The following PTPRD variants were observed in gnomAD, a reference collection of about 807,000 sequenced individuals.
The protein encoded by PTPRD is protein tyrosine phosphatase receptor type D.
In PTPRD, 34 loss-of-function variants were observed where a neutral mutation model predicts 214.5. The observed-to-expected ratio is 0.16, with a 90% CI of 0.12 to 0.21. The LOEUF (loss-of-function observed/expected upper bound fraction) is 0.21, where lower values mean the gene tolerates loss of function less well. Among genes scored for constraint, PTPRD ranks in the 10% least tolerant of loss-of-function variants. The probability of loss-of-function intolerance (pLI) is 1.00; values close to 1 mark genes in which losing one functional copy is unlikely to be tolerated. For missense variants in PTPRD, 2,545 were observed against 2,398.7 expected (o/e 1.06, Z -1.27); for synonymous variants, 1,128 against 845.7 (o/e 1.33, Z -5.79).
chr9:10,361,982 T>C (rs1202569647), intron 2 of PTPRD, among the ~76,000 whole-genome samples: 2 of 152,308 alleles, frequency 1.3e-5, no homozygotes, highest in South Asian at 2.1e-4. Flanking sequence ...AAATGTATCA[T>C]GGTTAAGATG....
chr9:9,230,301 A>T (rs1309082926), intron 9 of PTPRD, among the ~76,000 whole-genome samples: 1 of 152,138 alleles, frequency 6.6e-6, no homozygotes, highest in East Asian at 1.9e-4. Context: ...AAATCTCTTC[A>T]ACAAAATTTG....
intron 4 of PTPRD, among the ~76,000 whole-genome samples, chr9:9,955,679 A>T (rs552381215): frequency 2.0e-5 from 3 of 152,000 alleles, no homozygotes; most frequent in East Asian, 1.9e-4. Context: ...GCCCGCCACC[A>T]TGCCCGACTA....
intron 10 of PTPRD, among the ~76,000 whole-genome samples, chr9:9,145,139 AATC>A (rs1263040344): frequency 1.3e-5 from 2 of 152,206 alleles, no homozygotes; most frequent in Admixed American, 1.3e-4. Flanking sequence ...TTTCCTTAAG[AATC>A]TAAGTATGTG....
intron 2 of PTPRD, among the ~76,000 whole-genome samples, chr9:10,512,533 A>G (rs2048654674): frequency 6.6e-6 from 1 of 152,114 alleles, no homozygotes; most frequent in Non-Finnish European, 1.5e-5. Context: ...GCTTAGACAA[A>G]TGATTTTTAT....
chr9:8,849,536 T>C (rs1029023765), intron 11 of PTPRD, among the ~76,000 whole-genome samples: 6 of 152,188 alleles, frequency 3.9e-5, no homozygotes, highest in African/African-American at 9.7e-5. Context: ...CATAATTCTT[T>C]AGTTCAACTC....
At chr9:10,316,756 C>T (rs1165055412) in intron 3 of PTPRD, among the ~76,000 whole-genome samples, 3 of 151,852 alleles carry the variant, frequency 2.0e-5, no homozygotes, top group African/African-American at 7.2e-5. Flanking sequence ...TTATTCTAAT[C>T]TAAAAAAGAT....
chr9:8,691,880 T>A (rs1009250455), intron 12 of PTPRD, among the ~76,000 whole-genome samples: 1 of 152,200 alleles, frequency 6.6e-6, no homozygotes, highest in Non-Finnish European at 1.5e-5. Flanking sequence ...GGCTTGCATT[T>A]CAACAACAAA....
chr9:10,578,800 C>G (rs1040060360), intron 2 of PTPRD, among the ~76,000 whole-genome samples: 2 of 152,076 alleles, frequency 1.3e-5, no homozygotes, highest in African/African-American at 4.8e-5. Flanking sequence ...TTGTATAACT[C>G]AGAGGTTTGG....
At position 10,073,858 on chromosome 9, in the gene PTPRD, G is replaced by T. The variant is rs2098082627; in HGVS notation, c.-544-40068C>A. Among the ~76,000 whole-genome samples the T allele has an allele frequency of 3.3e-5, 5 of 152,012 alleles. No homozygotes were observed. The South Asian group carries it at 1.0e-3, about 31-fold the overall frequency. ...TACTGGGTTCTGAGAATTTTTGAAA[G>T]ATTTTTCAAAAAGTGACTAATTTTC... On this transcript the variant is annotated intron_variant, in intron 3 of 45. Coordinates refer to ENST00000381196, the MANE Select transcript of PTPRD (RefSeq NM_002839.4).
chr9:9,209,050 G>C (rs7031597), intron 9 of PTPRD, among the ~76,000 whole-genome samples: 131,324 of 151,936 alleles, frequency 0.86, 57,684 homozygotes, highest in Non-Finnish European at 0.95. Context: ...CCTCGTGATC[G>C]GCCCGCCTTG....
chr9:10,426,512 C>T (rs1434152520), intron 2 of PTPRD, among the ~76,000 whole-genome samples: 1 of 151,966 alleles, frequency 6.6e-6, no homozygotes, highest in East Asian at 1.9e-4. Context: ...GTAATCATGG[C>T]TTTGTTTAAA....
At position 8,668,509 on chromosome 9, in the gene PTPRD, T is replaced by C. The variant is rs549689272; in HGVS notation, c.65-31665A>G. Among the ~76,000 whole-genome samples, 173 of 152,316 alleles carry C rather than the reference T, an allele frequency of 1.1e-3. 1 individual carries two copies. The highest frequency in any genetic ancestry group is 1.7e-3 in the Non-Finnish European group (116 of 68,028). On this transcript the variant is annotated intron_variant, in intron 12 of 45. Coordinates refer to ENST00000381196, the MANE Select transcript of PTPRD (RefSeq NM_002839.4). ...CAAAGCGTTCCAGAAAGTACCATCTTACATAGAATAAGATAATTTCTGATT... is the reference window on the plus strand; with the variant it reads ...CAAAGCGTTCCAGAAAGTACCATCTCACATAGAATAAGATAATTTCTGATT...
intron 5 of PTPRD, among the ~76,000 whole-genome samples, chr9:9,863,283 T>C (rs1168823821): frequency 6.6e-6 from 1 of 152,136 alleles, no homozygotes; most frequent in African/African-American, 2.4e-5. Flanking sequence ...GATTAATAAC[T>C]ATTTGAGATA....
intron 11 of PTPRD, among the ~76,000 whole-genome samples, chr9:8,735,782 C>T (rs1437172657): frequency 1.3e-5 from 2 of 151,718 alleles, no homozygotes; most frequent in South Asian, 4.2e-4. Flanking sequence ...CGTGGTGGTG[C>T]ATACCTGTAA....
intron 11 of PTPRD, among the ~76,000 whole-genome samples, chr9:8,904,599 G>A (rs928675994): frequency 1.3e-5 from 2 of 151,184 alleles, no homozygotes; most frequent in Non-Finnish European, 2.9e-5. Context: ...TTGAACCCGG[G>A]AGGCAAAAGT....
intron 9 of PTPRD, among the ~76,000 whole-genome samples, chr9:9,255,828 C>T (rs1481540497): frequency 6.6e-6 from 1 of 151,984 alleles, no homozygotes; most frequent in Non-Finnish European, 1.5e-5. Context: ...ACTTCATACC[C>T]AGAATAATTC....
intron 9 of PTPRD, among the ~76,000 whole-genome samples, chr9:9,225,356 C>T (rs2099958746): frequency 6.6e-6 from 1 of 151,976 alleles, no homozygotes; most frequent in African/African-American, 2.4e-5. Context: ...CTGAACAAGC[C>T]TTAACATCTT....
At chr9:9,765,735 A>T (rs1279031583) in intron 6 of PTPRD, among the ~76,000 whole-genome samples, 1 of 152,146 alleles carries the variant, frequency 6.6e-6, no homozygotes, top group African/African-American at 2.4e-5. Context: ...ATCTCGGCTC[A>T]CTGCAAGCTT....
intron 2 of PTPRD, among the ~76,000 whole-genome samples, chr9:10,521,256 T>A (rs1373708687): frequency 1.3e-5 from 2 of 152,006 alleles, no homozygotes; most frequent in Non-Finnish European, 2.9e-5. Context: ...TTTCCATGGA[T>A]GAAGTTACTA....
Sources: gnomAD v4.1 joint callset for allele counts (sites outside exome capture counted in the v4.1 genomes callset) on GRCh38, gnomAD v4.1.1 for gene constraint, MANE v1.5 for transcripts, NCBI Gene and HGNC (gene_info 2026-07-23, HGNC 2026-07-21) for gene names.